Variants in INTS6 observed in about 807,000 individuals in gnomAD.
INTS6 encodes the protein integrator complex subunit 6.
A neutral mutation model predicts 104.9 loss-of-function variants in INTS6; 16 were observed. The ratio of observed to expected loss-of-function variants is 0.15; its 90% CI spans 0.10 to 0.23. The LOEUF (loss-of-function observed/expected upper bound fraction) is 0.23, where lower values mean the gene tolerates loss of function less well. Among genes scored for constraint, INTS6 ranks in the 10% least tolerant of loss-of-function variants. INTS6 has a pLI of 1.00. For synonymous variants in INTS6, 324 were observed against 358.7 expected (o/e 0.90, Z 1.09); for missense variants, 584 against 1,062.8 (o/e 0.55, Z 6.26).
intron 7 of INTS6, chr13:51,384,579 C>T (rs537958440): frequency 7.2e-5 from 33 of 455,358 alleles, no homozygotes; most frequent in African/African-American, 6.2e-4. Context: ...CTGAATCTTC[C>T]ACAGGTTCCT....
At chr13:51,404,569 T>C (rs1165059299) in intron 4 of INTS6, among the ~76,000 whole-genome samples, 1 of 151,986 alleles carries the variant, frequency 6.6e-6, no homozygotes, top group Non-Finnish European at 1.5e-5. Context: ...TAACAAACAC[T>C]CCATCCAGCT....
intron 4 of INTS6, among the ~76,000 whole-genome samples, chr13:51,415,653 C>A (rs1350396847): frequency 5.9e-5 from 9 of 152,006 alleles, no homozygotes; most frequent in African/African-American, 2.2e-4. Context: ...GTCCATTAAA[C>A]CTCTTTCTTT....
chr13:51,387,494 A>T lies in INTS6; in HGVS notation c.786T>A (p.His262Gln). ...ISRPFGSQPWHSCHKLIYVRP... is the reference protein window; with the variant it reads ...ISRPFGSQPWQSCHKLIYVRP... ...TGACATATATGAGTTTGTGACAGCT[A>T]TGCCAAGGCTGAGATCCAAAAGGCC... The change falls in exon 7 of 18, where the codon CAT becomes CAA. Residue 262 changes from histidine to glutamine, a missense_variant. By Grantham distance (24) the His-to-Gln change is conservative (BLOSUM62 0). Transcript: ENST00000311234. 1 of 1,613,682 alleles carries T rather than the reference A, an allele frequency of 6.2e-7. No individual in the cohort carries two copies. The highest frequency in any genetic ancestry group is 8.5e-7 in the Non-Finnish European group (1 of 1,179,738).
intron 17 of INTS6, among the ~76,000 whole-genome samples, chr13:51,366,570 C>T (rs777960070): frequency 6.6e-6 from 1 of 151,950 alleles, no homozygotes; most frequent in Non-Finnish European, 1.5e-5. Context: ...CATAATACTA[C>T]ACAACTCTCT....
chr13:51,380,652 T>C (rs1956029273), intron 10 of INTS6, among the ~76,000 whole-genome samples: 1 of 152,186 alleles, frequency 6.6e-6, no homozygotes, highest in African/African-American at 2.4e-5. Context: ...TAGGGATGAT[T>C]TAGAAAGATT....
In INTS6 at chr13:51,361,773, C is replaced by T; in HGVS notation, c.*3979G>A. 1.9e-6 allele frequency: 3 copies of T among 1,539,936 alleles called. No homozygotes were observed. The highest frequency in any genetic ancestry group is 2.6e-6 in the Non-Finnish European group (3 of 1,141,854). On this transcript the variant is annotated 3_prime_UTR_variant, in exon 18 of 18. Transcript: ENST00000311234. Reference sequence around the variant, plus strand: ...CAATAGTTATTTTCTTAAAAATGCACAGAAAATGCAATGGAATTTTTCTTT... The same window carrying T: ...CAATAGTTATTTTCTTAAAAATGCATAGAAAATGCAATGGAATTTTTCTTT...
the INTS6 span, among the ~76,000 whole-genome samples, chr13:51,343,046 C>G: frequency 6.6e-6 from 1 of 152,094 alleles, no homozygotes. Context: ...CCAGGGTGGA[C>G]TCTGGGTTCC....
intron 3 of INTS6, among the ~76,000 whole-genome samples, chr13:51,433,921 G>A (rs1957141358): frequency 6.6e-6 from 1 of 152,162 alleles, no homozygotes; most frequent in African/African-American, 2.4e-5. Context: ...ACTTAGTGAG[G>A]TAAAATATTC....
intron 4 of INTS6, among the ~76,000 whole-genome samples, chr13:51,413,976 T>C (rs1956736686): frequency 6.6e-6 from 1 of 152,200 alleles, no homozygotes; most frequent in Admixed American, 6.5e-5. Flanking sequence ...AAATTTTAAC[T>C]GGACTCACAG....
Position 51,382,173 on chromosome 13 carries a change from A to G in INTS6, c.1181-50T>C, listed in dbSNP as rs771657354. On this transcript the variant is annotated intron_variant, in intron 9 of 17. Coordinates refer to ENST00000311234, the MANE Select transcript of INTS6 (RefSeq NM_012141.3). ...CTATCACTACTCATTATTTTCACAC[A>G]TAGAAGTCAAGTCAAAGACGTTTCC... 56 of 1,133,208 alleles carry G rather than the reference A, an allele frequency of 4.9e-5. No homozygotes were observed. The South Asian group carries it at 6.7e-4, about 14-fold the overall frequency. 70.2% of individuals were successfully genotyped at this position (1,133,208 alleles called of 1,614,324 possible).
chr13:51,362,209 T>C lies in INTS6; in HGVS notation c.*3543A>G. The C allele has an allele frequency of 3.2e-6, 2 of 627,432 alleles. No individual in the cohort carries two copies. Among genetic ancestry groups the C allele is most frequent in the Non-Finnish European group, 4.9e-6 (2 of 411,936 alleles). 38.9% of individuals were successfully genotyped at this position (627,432 alleles called of 1,614,324 possible). A position where few individuals can be genotyped will look rare whatever the true frequency, so the allele number is the denominator to read the frequency against. ...AAAATCATGAAAGTAAAATAAATTA[T>C]AAATCTTGCCCTTTTTTCCCTTTGT... On this transcript the variant is annotated 3_prime_UTR_variant, in exon 18 of 18. Transcript: ENST00000311234.
chr13:51,349,403 T>C (rs112961221), downstream of INTS6, among the ~76,000 whole-genome samples: 993 of 152,276 alleles, frequency 6.5e-3, 8 homozygotes, highest in Middle Eastern at 0.031. Context: ...CAAAACTAAA[T>C]ATTTGGACCC....
intron 13 of INTS6, among the ~76,000 whole-genome samples, chr13:51,375,514 T>G (rs1299167777): frequency 6.6e-6 from 1 of 151,238 alleles, no homozygotes; most frequent in African/African-American, 2.4e-5. Flanking sequence ...CTCTTTTATA[T>G]AAAATTATTG....
chr13:51,352,863 G>A (rs1955420574), downstream of INTS6, among the ~76,000 whole-genome samples: 1 of 152,126 alleles, frequency 6.6e-6, no homozygotes, highest in Admixed American at 6.5e-5. Context: ...AGATGGTGAT[G>A]TGGCCTTTGT....
At chr13:51,381,527 A>G (rs75357894) in intron 10 of INTS6, among the ~76,000 whole-genome samples, 1,727 of 152,262 alleles carry the variant, frequency 0.011, 25 homozygotes, top group East Asian at 0.07. Flanking sequence ...AAATGTTCTC[A>G]TGATCATGAT....
the INTS6 span, among the ~76,000 whole-genome samples, chr13:51,337,631 G>C: frequency 1.6e-4 from 24 of 152,096 alleles, no homozygotes; most frequent in African/African-American, 5.8e-4. Flanking sequence ...TGGCCTGGTG[G>C]GACCTTAGGC....
At chr13:51,451,878 G>A in intron 2 of INTS6, 100 bp downstream of exon 2, 3 of 746,626 alleles carry the variant, frequency 4.0e-6, no homozygotes, top group Non-Finnish European at 4.5e-6. Context: ...AGCGGGTGGG[G>A]GAGGGGAGCA....
intron 15 of INTS6, 73 bp downstream of exon 15, chr13:51,374,135 T>A: frequency 8.1e-7 from 1 of 1,230,806 alleles, no homozygotes; most frequent in Non-Finnish European, 1.2e-6. Context: ...TTCTATAATC[T>A]ATAACAAAAA....
Position 51,364,597 on chromosome 13 carries a change from T to C in INTS6, c.*1155A>G, listed in dbSNP as rs1363817623. 2 of 223,258 alleles carry C rather than the reference T, an allele frequency of 9.0e-6. No homozygotes were observed. Among genetic ancestry groups the C allele is most frequent in the African/African-American group, 4.6e-5 (2 of 43,924 alleles). 13.8% of individuals were successfully genotyped at this position (223,258 alleles called of 1,614,324 possible). A position where few individuals can be genotyped will look rare whatever the true frequency, so the allele number is the denominator to read the frequency against. ...CTCAGTACGGATACTCTAGGCCATGTTGAATTGAGGGTGGAGAATGAATAG... is the reference window on the plus strand; with the variant it reads ...CTCAGTACGGATACTCTAGGCCATGCTGAATTGAGGGTGGAGAATGAATAG... On this transcript the variant is annotated 3_prime_UTR_variant, in exon 18 of 18. Coordinates refer to ENST00000311234, the MANE Select transcript of INTS6 (RefSeq NM_012141.3).
Sources: gnomAD v4.1 joint callset for allele counts (sites outside exome capture counted in the v4.1 genomes callset) on GRCh38, gnomAD v4.1.1 for gene constraint, MANE v1.5 for transcripts, NCBI Gene and HGNC (gene_info 2026-07-23, HGNC 2026-07-21) for gene names.